GRIK4: variants seen among roughly 807,000 people sequenced by gnomAD.
The protein encoded by GRIK4 is glutamate ionotropic receptor kainate type subunit 4.
GRIK4 carries 40 observed loss-of-function variants against 104.9 expected under a neutral mutation model. That is an observed-to-expected ratio of 0.38 (90% CI 0.30 to 0.50). GRIK4 has a LOEUF of 0.50. Among genes scored for constraint, GRIK4 ranks in the 20% least tolerant of loss-of-function variants. The probability of loss-of-function intolerance (pLI) is 0.93; values close to 1 mark genes in which losing one functional copy is unlikely to be tolerated. For missense variants in GRIK4, 1,047 were observed against 1,308.1 expected, an observed-to-expected ratio of 0.80 and a Z score of 3.08; for synonymous variants, 485 against 524.9, an observed-to-expected ratio of 0.92 and a Z score of 1.04.
intron 1 of GRIK4, among the ~76,000 whole-genome samples, chr11:120,634,930 C>T (rs766904182): frequency 8.5e-5 from 13 of 152,192 alleles, no homozygotes; most frequent in East Asian, 1.9e-4. Context: ...GAGATGCGAA[C>T]GTCCCCCTTG....
At chr11:120,750,476 C>T (rs1951530952) in intron 3 of GRIK4, among the ~76,000 whole-genome samples, 1 of 149,406 alleles carries the variant, frequency 6.7e-6, no homozygotes, top group Non-Finnish European at 1.5e-5. Context: ...AAGTGATTCT[C>T]CTGCCTCAGC....
At chr11:120,901,310 TC>T (rs1942731088) in intron 12 of GRIK4, among the ~76,000 whole-genome samples, 1 of 10,464 alleles carries the variant, frequency 9.6e-5, no homozygotes, top group Non-Finnish European at 1.6e-4. Context: ...CAAGACCTGC[TC>T]GCTGCATCCT....
chr11:120,586,382 G>A (rs911850401), intron 1 of GRIK4, among the ~76,000 whole-genome samples: 1 of 152,106 alleles, frequency 6.6e-6, no homozygotes, highest in African/African-American at 2.4e-5. Context: ...AGGAGGACAG[G>A]CGATGAGGCT....
intron 3 of GRIK4, among the ~76,000 whole-genome samples, chr11:120,775,463 C>G (rs893389520): frequency 6.6e-6 from 1 of 152,288 alleles, no homozygotes; most frequent in South Asian, 2.1e-4. Context: ...CCTCTCAGAC[C>G]TTACAGGGCT....
chr11:120,921,414 T>A (rs1272049921), intron 13 of GRIK4, among the ~76,000 whole-genome samples: 2 of 152,226 alleles, frequency 1.3e-5, no homozygotes, highest in African/African-American at 4.8e-5. Context: ...CCAGCGTTGA[T>A]GCCAAAGCAC....
rs556855430 is a variant in GRIK4, at chr11:120,831,878, C to T, written c.538C>T (p.Arg180Trp). 20 of 1,613,782 alleles carry T rather than the reference C, an allele frequency of 1.2e-5. No individual in the cohort carries two copies. Among genetic ancestry groups the T allele is most frequent in the Admixed American group, 5.0e-5 (3 of 60,018 alleles). Residue 180 changes from arginine to tryptophan, a missense_variant, in exon 7 of 21, where the codon CGG (arginine) becomes TGG (tryptophan). Arg to Trp is a moderately radical substitution (Grantham distance 101). Around this residue, in one of 3 missense-constraint regions of GRIK4, gnomAD observed 447 missense variants for 514.9 expected, o/e 0.87. Transcript: ENST00000527524. ...CCTTTTAAACCTAGAGAAGCTGCTC[C>T]GGCAATTCCTTATCTCCAAGGACAC... ...ECLLNLEKLL[R>W]QFLISKDTLS...
chr11:120,748,820 A>G (rs2135420261), intron 3 of GRIK4, among the ~76,000 whole-genome samples: 1 of 152,306 alleles, frequency 6.6e-6, no homozygotes, highest in Non-Finnish European at 1.5e-5. Flanking sequence ...TCGGGAGTTG[A>G]AGGAGAGGCT....
At chr11:120,871,670 G>T (rs1442320408) in intron 9 of GRIK4, 1 of 456,386 alleles carries the variant, frequency 2.2e-6, no homozygotes, top group African/African-American at 2.0e-5. Flanking sequence ...GAGGGCAGTG[G>T]CCTGATCCAG....
intron 6 of GRIK4, among the ~76,000 whole-genome samples, chr11:120,830,568 C>A (rs2135561478): frequency 6.6e-6 from 1 of 152,270 alleles, no homozygotes; most frequent in East Asian, 1.9e-4. Context: ...AAACCAGCAG[C>A]ACGGGGCCTT....
At chr11:120,539,224 G>A (rs1175386523) in intron 1 of GRIK4, among the ~76,000 whole-genome samples, 1 of 152,162 alleles carries the variant, frequency 6.6e-6, no homozygotes, top group Non-Finnish European at 1.5e-5. Flanking sequence ...GGGGCCTGTG[G>A]GACAGTCCTG....
intron 8 of GRIK4, among the ~76,000 whole-genome samples, chr11:120,857,519 CA>C: frequency 6.6e-6 from 1 of 152,072 alleles, no homozygotes; most frequent in African/African-American, 2.4e-5. Flanking sequence ...CACACACACA[CA>C]CACACACACA....
At chr11:120,781,134 TC>T (rs1208127415) in intron 3 of GRIK4, among the ~76,000 whole-genome samples, 1 of 150,216 alleles carries the variant, frequency 6.7e-6, no homozygotes, top group African/African-American at 2.5e-5. Flanking sequence ...GTCCTTTCTT[TC>T]TTTTTTTTTT....
intron 1 of GRIK4, among the ~76,000 whole-genome samples, chr11:120,650,985 C>G (rs1159332455): frequency 6.6e-6 from 1 of 152,174 alleles, no homozygotes; most frequent in African/African-American, 2.4e-5. Context: ...GGTCCAAGGT[C>G]ACGCAGCCCT....
chr11:120,896,732 T>C (rs193157090), intron 11 of GRIK4, among the ~76,000 whole-genome samples: 3 of 152,346 alleles, frequency 2.0e-5, no homozygotes, highest in East Asian at 3.9e-4. Flanking sequence ...AACATGTCTT[T>C]ACTGTTGCTG....
At chr11:120,837,233 T>C (rs1388070739) in intron 8 of GRIK4, among the ~76,000 whole-genome samples, 2 of 152,218 alleles carry the variant, frequency 1.3e-5, no homozygotes, top group Non-Finnish European at 2.9e-5. Context: ...AGGCTTGGAC[T>C]CTGAGATCCT....
intron 13 of GRIK4, among the ~76,000 whole-genome samples, chr11:120,912,420 G>A (rs1013963894): frequency 6.6e-6 from 1 of 152,194 alleles, no homozygotes; most frequent in East Asian, 1.9e-4. Flanking sequence ...TCAGGGAAAA[G>A]AGCACATGTT....
chr11:120,751,450 A>G (rs9666060), intron 3 of GRIK4, among the ~76,000 whole-genome samples: 1 of 152,238 alleles, frequency 6.6e-6, no homozygotes. Flanking sequence ...AATAAATAAA[A>G]TAAATGGCCG....
At chr11:120,787,457 T>A (rs537600025) in intron 3 of GRIK4, among the ~76,000 whole-genome samples, 4 of 147,754 alleles carry the variant, frequency 2.7e-5, no homozygotes, top group Non-Finnish European at 4.5e-5. Context: ...ATTTTATTTA[T>A]TTTATTTTAT....
At chr11:120,815,014 C>T (rs879531606) in intron 4 of GRIK4, among the ~76,000 whole-genome samples, 1 of 152,234 alleles carries the variant, frequency 6.6e-6, no homozygotes, top group Non-Finnish European at 1.5e-5. Context: ...CTGGGGCTCC[C>T]CCTACCCCCC....
Sources: allele counts gnomAD v4.1 joint callset (sites outside exome capture counted in the v4.1 genomes callset), GRCh38; gene constraint gnomAD v4.1.1; regional missense constraint gnomAD v4.1.1; transcripts MANE v1.5; gene names NCBI Gene and HGNC (gene_info 2026-07-23, HGNC 2026-07-21).